BMAL2: variants seen among roughly 807,000 people sequenced by gnomAD.
BMAL2 encodes basic helix-loop-helix ARNT-like protein 2.
chr12:27,361,387 C>T, the BMAL2 span, among the ~76,000 whole-genome samples: 1 of 152,222 alleles, frequency 6.6e-6, no homozygotes, highest in South Asian at 2.1e-4. Flanking sequence ...TAAGTAAAAT[C>T]ACAAACTTTC....
chr12:27,417,700 A>G, the BMAL2 span, among the ~76,000 whole-genome samples: 43 of 152,324 alleles, frequency 2.8e-4, no homozygotes, highest in South Asian at 3.3e-3. Context: ...ACTGCTAAAA[A>G]GTATTTATCT....
chr12:27,420,012 T>TGCGC, the BMAL2 span, among the ~76,000 whole-genome samples: 3 of 64,822 alleles, frequency 4.6e-5, no homozygotes, highest in East Asian at 4.1e-4. Context: ...TTCCAGGGTT[T>TGCGC]GCGCGTGCAC....
chr12:27,411,164 A>G, the BMAL2 span, among the ~76,000 whole-genome samples: 3,409 of 152,080 alleles, frequency 0.022, 125 homozygotes, highest in African/African-American at 0.078. Flanking sequence ...GTCTTGCTCT[A>G]TCCCCCAGCC....
At chr12:27,343,024 A>G in the BMAL2 span, among the ~76,000 whole-genome samples, 11 of 152,234 alleles carry the variant, frequency 7.2e-5, no homozygotes, top group East Asian at 1.5e-3. Flanking sequence ...AGGCATCCAG[A>G]GCAAATTATT....
chr12:27,370,279 G>T, the BMAL2 span: 16 of 1,384,782 alleles, frequency 1.2e-5, no homozygotes, highest in Non-Finnish European at 1.6e-5. Context: ...CTTGAAGAGG[G>T]CATAGAGTGG....
chr12:27,400,413 A>G, the BMAL2 span: 3 of 795,714 alleles, frequency 3.8e-6, no homozygotes, highest in Non-Finnish European at 5.5e-6. Context: ...CCCCTTTCAT[A>G]TTTTAGCATA....
At chr12:27,370,272 G>A in the BMAL2 span, 2 of 1,452,280 alleles carry the variant, frequency 1.4e-6, no homozygotes, top group Non-Finnish European at 9.7e-7. Context: ...TCCCCTACTT[G>A]AAGAGGGCAT....
At chr12:27,344,569 T>C in the BMAL2 span, among the ~76,000 whole-genome samples, 69,275 of 151,960 alleles carry the variant, frequency 0.46, 15,985 homozygotes, top group Admixed American at 0.52. Flanking sequence ...ACAGGTGGAG[T>C]TTCTTTTTCC....
chr12:27,369,029 A>G, the BMAL2 span, among the ~76,000 whole-genome samples: 3 of 152,356 alleles, frequency 2.0e-5, no homozygotes, highest in Non-Finnish European at 4.4e-5. Flanking sequence ...AGTACTAGCT[A>G]CGCAGGCGGC....
chr12:27,419,470 C>G, the BMAL2 span, among the ~76,000 whole-genome samples: 1 of 152,158 alleles, frequency 6.6e-6, no homozygotes, highest in African/African-American at 2.4e-5. Flanking sequence ...AGATAACTAA[C>G]CAACTCCCAT....
chr12:27,403,723 A>G, the BMAL2 span, among the ~76,000 whole-genome samples: 1 of 152,148 alleles, frequency 6.6e-6, no homozygotes, highest in East Asian at 1.9e-4. Flanking sequence ...TACCAACATG[A>G]AAAAAAACTT....
At chr12:27,418,169 G>A in the BMAL2 span, 7 of 1,612,726 alleles carry the variant, frequency 4.3e-6, no homozygotes, top group East Asian at 1.6e-4. Flanking sequence ...GAGTACTGTT[G>A]CTGTCCACAG....
chr12:27,346,594 C>G, the BMAL2 span, among the ~76,000 whole-genome samples: 1 of 152,106 alleles, frequency 6.6e-6, no homozygotes, highest in Non-Finnish European at 1.5e-5. Context: ...TTACTCCCAC[C>G]CTTTGCCATG....
the BMAL2 span, among the ~76,000 whole-genome samples, chr12:27,377,934 G>A: frequency 6.7e-5 from 10 of 149,354 alleles, no homozygotes; most frequent in East Asian, 5.9e-4. Flanking sequence ...AGCCTTCATC[G>A]GTGTTCCTCC....
At chr12:27,353,750 A>G in the BMAL2 span, among the ~76,000 whole-genome samples, 1 of 152,184 alleles carries the variant, frequency 6.6e-6, no homozygotes. Context: ...TATTAAAAAA[A>G]CGGGCAAAGG....
chr12:27,376,607 A>G, the BMAL2 span, among the ~76,000 whole-genome samples: 4 of 152,180 alleles, frequency 2.6e-5, no homozygotes, highest in South Asian at 6.2e-4. Flanking sequence ...TTCTCTTAGA[A>G]TAGCTTAAAA....
the BMAL2 span, among the ~76,000 whole-genome samples, chr12:27,366,807 T>C: frequency 6.6e-6 from 1 of 152,212 alleles, no homozygotes; most frequent in Non-Finnish European, 1.5e-5. Context: ...GTTCTAACAA[T>C]AGGAGAGTGG....
At chr12:27,370,596 CTTTTTTG>C in the BMAL2 span, among the ~76,000 whole-genome samples, 3 of 151,950 alleles carry the variant, frequency 2.0e-5, no homozygotes, top group Non-Finnish European at 4.4e-5. Flanking sequence ...AGAGCTGGTT[CTTTTTTG>C]TTTTTTGTTT....
At chr12:27,376,273 C>A in the BMAL2 span, 1 of 1,333,736 alleles carries the variant, frequency 7.5e-7, no homozygotes, top group Admixed American at 1.7e-5. Flanking sequence ...CTTAATCTCA[C>A]ATCTATTTCT....
Sources: allele counts gnomAD v4.1 joint callset (sites outside exome capture counted in the v4.1 genomes callset), GRCh38; gene constraint gnomAD v4.1.1; transcripts MANE v1.5; gene names NCBI Gene and HGNC (gene_info 2026-07-23, HGNC 2026-07-21).